Variants in ZFR2 observed in about 807,000 individuals in gnomAD.
ZFR2 encodes zinc finger RNA binding protein 2.
In ZFR2, 104 loss-of-function variants were observed where a neutral mutation model predicts 105.7. The ratio of observed to expected loss-of-function variants is 0.98; its 90% confidence interval spans 0.84 to 1.16. The LOEUF (loss-of-function observed/expected upper bound fraction) is 1.16. Ranked by LOEUF, ZFR2 falls within the 50% of genes most tolerant of loss-of-function variation. ZFR2 has a pLI of 0.00. For missense variants in ZFR2, 1,425 were observed against 1,355.5 expected (o/e 1.05, Z -0.80); for synonymous variants, 634 against 597.7 (o/e 1.06, Z -0.89).
At chr19:3,855,275 G>T in intron 1 of ZFR2, 1 of 800,788 alleles carries the variant, frequency 1.2e-6, no homozygotes, top group Non-Finnish European at 1.7e-6. Context: ...TGCATTTTCA[G>T]AACAAAGGAG....
intron 1 of ZFR2, among the ~76,000 whole-genome samples, chr19:3,850,298 G>A (rs528389629): frequency 7.9e-5 from 12 of 152,148 alleles, no homozygotes; most frequent in East Asian, 1.9e-4. Flanking sequence ...CTGGTGGGGC[G>A]ACTGTCCTGG....
intron 9 of ZFR2, 29 bp from the exon 10 acceptor site, chr19:3,821,508 T>A: frequency 6.5e-7 from 1 of 1,550,068 alleles, no homozygotes; most frequent in Non-Finnish European, 8.8e-7. Context: ...GCTCTGAGAG[T>A]AGGGACCTTG....
At chr19:3,835,551 T>C (rs1599240117) in intron 1 of ZFR2, among the ~76,000 whole-genome samples, 1 of 148,796 alleles carries the variant, frequency 6.7e-6, no homozygotes, top group East Asian at 2.1e-4. Flanking sequence ...ACTAGGATGG[T>C]CTCAACCTCC....
chr19:3,806,147 T>C (rs2037694210), intron 18 of ZFR2, 22 bp from the exon 19 acceptor site: 2 of 1,409,294 alleles, frequency 1.4e-6, no homozygotes, highest in Admixed American at 3.2e-5. Context: ...ACACAGCCTG[T>C]CAGGACCCCC....
intron 13 of ZFR2, among the ~76,000 whole-genome samples, chr19:3,816,089 C>T (rs1181634593): frequency 6.6e-6 from 1 of 151,604 alleles, no homozygotes; most frequent in South Asian, 2.1e-4. Context: ...TTTGCAGATA[C>T]AGGTTCTCAC....
In ZFR2 at chr19:3,858,149, G is replaced by A. The variant is rs960660882; in HGVS notation, c.53+10816C>T. On this transcript the variant is annotated intron_variant, in intron 1 of 18. Transcript: ENST00000262961. This position sits in a 1 kb window ranked among gnomAD's most constrained non-coding sequence, Gnocchi z 4.3. ...TTCACACGGCCACCAAACTCAAGGG[G>A]ACGTCAAGGCCTAGGGGATGGAATG... 6.6e-6 allele frequency among the ~76,000 whole-genome samples: 1 copy of A among 152,184 alleles called. No individual in the cohort carries two copies. The highest frequency in any genetic ancestry group is 1.5e-5 in the Non-Finnish European group (1 of 68,036).
Position 3,858,750 on chromosome 19 carries a change from A to G in ZFR2, c.53+10215T>C, listed in dbSNP as rs533200893. On this transcript the variant is annotated intron_variant, in intron 1 of 18. Transcript: ENST00000262961. The surrounding 1 kb of genome is among the most constrained non-coding windows in gnomAD (Gnocchi z 4.3). ...GGAGAATCACTTGAACCTGGGAGGCAGAGGTTGCAGTGAGCTGAGATTGCA... is the reference window on the plus strand; with the variant it reads ...GGAGAATCACTTGAACCTGGGAGGCGGAGGTTGCAGTGAGCTGAGATTGCA... Among the ~76,000 whole-genome samples, 6 of 152,204 alleles carry G rather than the reference A, an allele frequency of 3.9e-5. No homozygotes were observed. Among genetic ancestry groups the G allele is most frequent in the Non-Finnish European group, 5.9e-5 (4 of 68,032 alleles).
chr19:3,827,785 C>T, intron 5 of ZFR2, 132 bp from the exon 6 acceptor site: 1 of 969,798 alleles, frequency 1.0e-6, no homozygotes, highest in South Asian at 1.6e-5. Context: ...ACCCTCCATT[C>T]CCTGGTGCCA....
In ZFR2 at chr19:3,822,104, GC is replaced by G. The variant is rs1361833554; in HGVS notation, c.1467del (p.Arg490GlyfsTer11). 1.9e-6 allele frequency: 3 copies of G among 1,607,598 alleles called. No homozygotes were observed. Among genetic ancestry groups the G allele is most frequent in the African/African-American group, 2.7e-5 (2 of 74,778 alleles). On this transcript the variant is annotated frameshift_variant, in exon 9 of 19. Coordinates refer to ENST00000262961, the MANE Select transcript of ZFR2 (RefSeq NM_015174.2). LOFTEE classifies it high-confidence loss of function. ...ACCCGGTACTGCAGCCGGTGCCGCC[GC>G]CCCCTCACGTGCAGGTCCTTCGCGT... ...DLNAKDLHVR[G>X]RRHRLQYRKK...
intron 14 of ZFR2, among the ~76,000 whole-genome samples, chr19:3,812,454 C>T (rs1006414749): frequency 2.0e-5 from 3 of 152,024 alleles, no homozygotes; most frequent in African/African-American, 4.8e-5. Context: ...AGGAAAAGGC[C>T]GACAGGAAGT....
At position 3,813,056 on chromosome 19, in the gene ZFR2, G is replaced by T. The variant is rs961899925; in HGVS notation, c.2242+764C>A. On this transcript the variant is annotated intron_variant, in intron 14 of 18. Coordinates refer to ENST00000262961, the MANE Select transcript of ZFR2 (RefSeq NM_015174.2). The surrounding 1 kb of genome is among the most constrained non-coding windows in gnomAD (Gnocchi z 4.4). ...GATTGCGCCATTGCACTCCAGCCTG[G>T]GCAACAGAGCGAGACTCTGTCTCAA... 6.6e-5 allele frequency among the ~76,000 whole-genome samples: 10 copies of T among 152,110 alleles called. No homozygotes were observed. The highest frequency in any genetic ancestry group is 1.4e-4 in the African/African-American group (6 of 41,398).
rs774304053 is a variant in ZFR2, at chr19:3,834,887, G to A, written c.150C>T (p.Pro50=). 17 of 1,611,892 alleles carry A rather than the reference G, an allele frequency of 1.1e-5. No homozygotes were observed. The highest frequency in any genetic ancestry group is 1.4e-5 in the Non-Finnish European group (17 of 1,179,104). ...GMDPAVNPAF[P]PAAPAGYGGY... ...CACCGTACCCTGCCGGGGCAGCTGG[G>A]GGAAAGGCCGGGTTCACGGCAGGGT... Residue 50 remains proline, a synonymous_variant, in exon 2 of 19, where the codon CCC becomes CCT. Transcript: ENST00000262961. The surrounding 1 kb of genome is among the most constrained non-coding windows in gnomAD (Gnocchi z 5.3).
chr19:3,809,276 G>A (rs1461340802), intron 16 of ZFR2, among the ~76,000 whole-genome samples: 1 of 152,164 alleles, frequency 6.6e-6, no homozygotes, highest in Non-Finnish European at 1.5e-5. Flanking sequence ...CGGTTCAAGC[G>A]ATTCTCCTGC....
Position 3,827,603 on chromosome 19 carries a change from G to A in ZFR2, c.903C>T (p.Ala301=). 1.3e-6 allele frequency: 2 copies of A among 1,579,746 alleles called. No homozygotes were observed. The highest frequency in any genetic ancestry group is 1.7e-6 in the Non-Finnish European group (2 of 1,163,402). ...GGQKHRKKEA[A]QKTGVQPNGS... ...CGTTGGGCTGCACGCCTGTCTTCTG[G>A]GCCGCCTCCTTCTTTCTGTGCTTCT... Residue 301 remains alanine, a synonymous_variant, in exon 6 of 19, where the codon GCC becomes GCT. Coordinates refer to ENST00000262961, the MANE Select transcript of ZFR2 (RefSeq NM_015174.2).
In ZFR2 at chr19:3,834,754, C is replaced by T. The variant is rs1357450546; in HGVS notation, c.264+19G>A. 4 of 1,610,104 alleles carry T rather than the reference C, an allele frequency of 2.5e-6. No homozygotes were observed. The highest frequency in any genetic ancestry group is 1.1e-5 in the South Asian group (1 of 90,726). Reference sequence around the variant, plus strand: ...ACCCACGTTTCCCGGCAACGCTGGTCAAAGAAAGGACTGGATACCTGGTAG... The same window carrying T: ...ACCCACGTTTCCCGGCAACGCTGGTTAAAGAAAGGACTGGATACCTGGTAG... On this transcript the variant is annotated intron_variant, in intron 2 of 18. Transcript: ENST00000262961. The surrounding 1 kb of genome is among the most constrained non-coding windows in gnomAD (Gnocchi z 5.3).
intron 18 of ZFR2, 116 bp from the exon 19 acceptor site, chr19:3,806,241 C>T: frequency 8.7e-7 from 1 of 1,152,326 alleles, no homozygotes; most frequent in Non-Finnish European, 1.1e-6. Flanking sequence ...TATCCTGTAT[C>T]CCTCGAGATA....
At chr19:3,809,394 G>A (rs2037737389) in intron 16 of ZFR2, among the ~76,000 whole-genome samples, 1 of 152,130 alleles carries the variant, frequency 6.6e-6, no homozygotes, top group Non-Finnish European at 1.5e-5. Flanking sequence ...CCACCACGTG[G>A]GGCCCGCCTC....
chr19:3,836,759 G>A (rs1486459102), intron 1 of ZFR2, among the ~76,000 whole-genome samples: 1 of 152,148 alleles, frequency 6.6e-6, no homozygotes, highest in Non-Finnish European at 1.5e-5. Flanking sequence ...AGGACCAGGG[G>A]CTCATGTCAA....
In ZFR2 at chr19:3,868,992, A is replaced by G; in HGVS notation, c.26T>C (p.Phe9Ser). ...GTACTGCGGGCCGCCGCCCTGCGCG[A>G]AGTCGAAATACTGACTCGTCGCCAT... MATSQYFDFAQGGGPQYSA... is the reference protein window; with the variant it reads MATSQYFDSAQGGGPQYSA... Residue 9 changes from phenylalanine to serine, a missense_variant, in exon 1 of 19, where the codon TTC becomes TCC. Transcript: ENST00000262961. 1.5e-6 allele frequency: 2 copies of G among 1,377,286 alleles called. No homozygotes were observed. Among genetic ancestry groups the G allele is most frequent in the Non-Finnish European group, 1.9e-6 (2 of 1,055,378 alleles). The allele number at this position is 1,377,286 out of a possible 1,614,324, so 85.3% of individuals were successfully genotyped here. A position where few individuals can be genotyped will look rare whatever the true frequency, so the allele number is the denominator to read the frequency against.
Sources: allele counts gnomAD v4.1 joint callset (sites outside exome capture counted in the v4.1 genomes callset), GRCh38; gene constraint gnomAD v4.1.1; non-coding constraint Gnocchi (gnomAD v3.1); transcripts MANE v1.5; gene names NCBI Gene and HGNC (gene_info 2026-07-23, HGNC 2026-07-21).